SMURF1: variants seen among roughly 807,000 people sequenced by gnomAD.
SMURF1 encodes E3 ubiquitin-protein ligase SMURF1.
A neutral mutation model predicts 98.0 loss-of-function variants in SMURF1; 44 were observed. The observed-to-expected ratio is 0.45, with a 90% CI of 0.35 to 0.58. The LOEUF (loss-of-function observed/expected upper bound fraction) is 0.58, where lower values mean the gene tolerates loss of function less well. SMURF1 is among the 20% of genes least tolerant of loss of function. The probability of loss-of-function intolerance (pLI) is 0.00; values close to 1 mark genes in which losing one functional copy is unlikely to be tolerated. For synonymous variants in SMURF1, 396 were observed against 374.9 expected (o/e 1.06, Z -0.65); for missense variants, 687 against 938.4 (o/e 0.73, Z 3.50).
At chr7:99,031,248 A>T (rs981647619) in intron 17 of SMURF1, 1 of 152,260 alleles carries the variant, frequency 6.6e-6, no homozygotes, top group African/African-American at 2.4e-5. Flanking sequence ...GCAGTCTGGA[A>T]AATTCCCTGC....
At chr7:99,120,487 C>T (rs1797584740) in intron 1 of SMURF1, among the ~76,000 whole-genome samples, 1 of 151,146 alleles carries the variant, frequency 6.6e-6, no homozygotes, top group South Asian at 2.2e-4. Flanking sequence ...CATCAGATTA[C>T]CACCAAATCC....
intron 1 of SMURF1, among the ~76,000 whole-genome samples, chr7:99,082,054 A>G (rs77395786): frequency 0.01 from 1,541 of 152,280 alleles, 20 homozygotes; most frequent in Middle Eastern, 0.027. Flanking sequence ...GCATCTTTTC[A>G]TGGGCTTATT....
At chr7:99,128,735 A>G (rs1797797799) in intron 1 of SMURF1, among the ~76,000 whole-genome samples, 1 of 152,214 alleles carries the variant, frequency 6.6e-6, no homozygotes, top group African/African-American at 2.4e-5. Context: ...CTTTCTGCCA[A>G]TAGTTCGTGC....
rs1329847008 is a variant in SMURF1 at position 99,029,068 on chromosome 7, C to G, written c.*1516G>C. ...CAGCAAACCTCATTTGGCAGCCCTT[C>G]TATTCTAGAACCTCAGCAGCCCAGA... is the stretch of plus-strand genomic sequence containing the variant. On this transcript the variant is annotated 3_prime_UTR_variant, in exon 18 of 18. Coordinates refer to ENST00000361368, the MANE Select transcript of SMURF1 (RefSeq NM_181349.3). 2.0e-5 allele frequency: 3 copies of G among 152,694 alleles called. No homozygotes were observed. Among genetic ancestry groups the G allele is most frequent in the Admixed American group, 6.5e-5 (1 of 15,288 alleles). 9.5% of individuals were successfully genotyped at this position (152,694 alleles called of 1,614,324 possible).
At chr7:99,120,423 C>G (rs1039914014) in intron 1 of SMURF1, among the ~76,000 whole-genome samples, 2 of 152,102 alleles carry the variant, frequency 1.3e-5, no homozygotes, top group Non-Finnish European at 2.9e-5. Flanking sequence ...ACAACCTAAA[C>G]AAAGCAACTT....
chr7:99,029,770 CT>C lies in SMURF1; in HGVS notation c.*813del, dbSNP rs1794815705. 6.6e-6 allele frequency: 1 copy of C among 152,086 alleles called. No homozygotes were observed. Among genetic ancestry groups the C allele is most frequent in the Admixed American group, 6.6e-5 (1 of 15,266 alleles). The allele number at this position is 152,086 out of a possible 1,614,324, so 9.4% of individuals were successfully genotyped here. On this transcript the variant is annotated 3_prime_UTR_variant, in exon 18 of 18. Transcript: ENST00000361368. The stretch of plus-strand genomic sequence containing the variant: ...CAGCTTTGGGACTGACTGGTTGGCT[CT>C]AGGGCTGATTTTGGTCTGCTCTTTC...
At chr7:99,124,452 G>C (rs1040828823) in intron 1 of SMURF1, among the ~76,000 whole-genome samples, 3 of 152,332 alleles carry the variant, frequency 2.0e-5, no homozygotes, top group South Asian at 4.1e-4. Context: ...GAGACTCCAA[G>C]CTTTGGGCAT....
intron 17 of SMURF1, among the ~76,000 whole-genome samples, chr7:99,032,181 G>A (rs1257824268): frequency 6.6e-6 from 1 of 152,132 alleles, no homozygotes; most frequent in Admixed American, 6.5e-5. Flanking sequence ...TGCTGGAGTG[G>A]TAGCCACACT....
intron 1 of SMURF1, 82 bp downstream of exon 1, chr7:99,143,644 C>T: frequency 7.9e-7 from 1 of 1,271,090 alleles, no homozygotes; most frequent in Non-Finnish European, 1.1e-6. Context: ...TGGGGGAGGG[C>T]CGCTTCCAAG....
intron 1 of SMURF1, among the ~76,000 whole-genome samples, chr7:99,134,008 A>C (rs530722141): frequency 1.3e-4 from 20 of 151,980 alleles, no homozygotes; most frequent in African/African-American, 4.8e-4. Flanking sequence ...GAAAGTGAGA[A>C]TGAGCTATTT....
intron 1 of SMURF1, among the ~76,000 whole-genome samples, chr7:99,113,415 A>G (rs1325530398): frequency 2.6e-5 from 4 of 152,252 alleles, no homozygotes; most frequent in African/African-American, 4.8e-5. Context: ...CAAAAATTCT[A>G]TATGTGCCAG....
intron 1 of SMURF1, among the ~76,000 whole-genome samples, chr7:99,080,873 T>G (rs1443876246): frequency 6.6e-6 from 1 of 152,174 alleles, no homozygotes; most frequent in Non-Finnish European, 1.5e-5. Flanking sequence ...AGGGATCACA[T>G]GACTGGAGTC....
At chr7:99,091,100 A>G (rs1796800502) in intron 1 of SMURF1, among the ~76,000 whole-genome samples, 1 of 152,218 alleles carries the variant, frequency 6.6e-6, no homozygotes, top group Non-Finnish European at 1.5e-5. Context: ...CTATCTGAGC[A>G]TTTCAGAAGC....
intron 1 of SMURF1, among the ~76,000 whole-genome samples, chr7:99,083,452 G>A (rs888183491): frequency 6.6e-6 from 1 of 152,180 alleles, no homozygotes; most frequent in Admixed American, 6.5e-5. Flanking sequence ...TAAACTAGGA[G>A]AAGAGAAAAC....
chr7:99,144,057 C>G lies in SMURF1; in HGVS notation c.-277G>C. 1 of 199,730 alleles carries G rather than the reference C, an allele frequency of 5.0e-6. No homozygotes were observed. The highest frequency in any genetic ancestry group is 1.0e-5 in the Non-Finnish European group (1 of 100,276). 12.4% of individuals were successfully genotyped at this position (199,730 alleles called of 1,614,324 possible). A position where few individuals can be genotyped will look rare whatever the true frequency, so the allele number is the denominator to read the frequency against. Reference sequence around the variant, plus strand: ...CCGCCGCCTCCGCCGCCTCCACCACCTCAGAGCCGGACGCCCGCCGCCCTC... The same window carrying G: ...CCGCCGCCTCCGCCGCCTCCACCACGTCAGAGCCGGACGCCCGCCGCCCTC... On this transcript the variant is annotated 5_prime_UTR_variant, in exon 1 of 18. Coordinates refer to ENST00000361368, the MANE Select transcript of SMURF1 (RefSeq NM_181349.3).
At chr7:99,104,101 G>A (rs1797146408) in intron 1 of SMURF1, among the ~76,000 whole-genome samples, 1 of 152,016 alleles carries the variant, frequency 6.6e-6, no homozygotes, top group Admixed American at 6.6e-5. Flanking sequence ...TGGCCAGGCT[G>A]GTCTAGAACT....
intron 3 of SMURF1, among the ~76,000 whole-genome samples, chr7:99,059,267 G>A (rs1004491992): frequency 2.2e-4 from 33 of 148,490 alleles, no homozygotes; most frequent in African/African-American, 6.9e-4. Flanking sequence ...GCGTAGTGGC[G>A]GGCGCCTGTA....
At position 99,036,925 on chromosome 7, in the gene SMURF1, G is replaced by T. The variant is rs13438178; in HGVS notation, c.1809+142C>A. On this transcript the variant is annotated intron_variant, in intron 15 of 17. Coordinates refer to ENST00000361368, the MANE Select transcript of SMURF1 (RefSeq NM_181349.3). ...CCCTCTACTCCCCACTCTTGCTCCA[G>T]CCCTGGCTCTAGTCTGGGAACCCCA... 175 of 1,246,538 alleles carry T rather than the reference G, an allele frequency of 1.4e-4. No homozygotes were observed. In the African/African-American group the frequency reaches 2.3e-3, roughly 17 times the overall value. The allele number at this position is 1,246,538 out of a possible 1,614,324, so 77.2% of individuals were successfully genotyped here.
At chr7:99,121,789 G>A (rs1797629306) in intron 1 of SMURF1, among the ~76,000 whole-genome samples, 1 of 152,120 alleles carries the variant, frequency 6.6e-6, no homozygotes, top group Non-Finnish European at 1.5e-5. Context: ...TAAAATCATA[G>A]CAGTCTGGAA....
Sources: allele counts gnomAD v4.1 joint callset (sites outside exome capture counted in the v4.1 genomes callset), GRCh38; gene constraint gnomAD v4.1.1; transcripts MANE v1.5; gene names NCBI Gene and HGNC (gene_info 2026-07-23, HGNC 2026-07-21).